GRIA1: variants seen among roughly 807,000 people sequenced by gnomAD.
GRIA1 encodes glutamate ionotropic receptor AMPA type subunit 1.
GRIA1 carries 31 observed loss-of-function variants against 99.2 expected under a neutral mutation model. The observed-to-expected ratio is 0.31, with a 90% confidence interval of 0.23 to 0.42. GRIA1 has a LOEUF of 0.42. Ranked by LOEUF, GRIA1 falls within the 10% of genes least tolerant of loss-of-function variation. GRIA1 has a pLI of 1.00. For missense variants in GRIA1, 782 were observed against 1,157.5 expected (o/e 0.68, Z 4.71); for synonymous variants, 438 against 432.4 (o/e 1.01, Z -0.16).
intron 15 of GRIA1, among the ~76,000 whole-genome samples, chr5:153,804,927 T>C (rs986884511): frequency 3.3e-5 from 5 of 151,714 alleles, no homozygotes; most frequent in African/African-American, 4.8e-5. Context: ...AATTTTTGTA[T>C]TTTTAGCACA....
intron 4 of GRIA1, among the ~76,000 whole-genome samples, chr5:153,654,414 C>T (rs903240175): frequency 1.3e-5 from 2 of 152,044 alleles, no homozygotes; most frequent in African/African-American, 2.4e-5. Flanking sequence ...AATATCATGT[C>T]TTTGCTGTTT....
intron 8 of GRIA1, among the ~76,000 whole-genome samples, chr5:153,694,052 A>C (rs1757935543): frequency 6.6e-6 from 1 of 152,228 alleles, no homozygotes; most frequent in Non-Finnish European, 1.5e-5. Context: ...TAGAAATAAA[A>C]TAGGTTTGTT....
In GRIA1 at chr5:153,798,437, C is replaced by T. The variant is rs1765783467; in HGVS notation, c.2385+3702C>T. Among the ~76,000 whole-genome samples the T allele has an allele frequency of 2.6e-5, 4 of 152,118 alleles. No homozygotes were observed. The South Asian group carries it at 6.2e-4, about 24-fold the overall frequency. ...TTACAGATTCAGCATGTGGAGGGCA[C>T]GTAGGCTTCCCCTAAAAATCCAGGT... On this transcript the variant is annotated intron_variant, in intron 14 of 15. Coordinates refer to ENST00000285900, the MANE Select transcript of GRIA1 (RefSeq NM_000827.4).
At chr5:153,776,623 C>T (rs1268961397) in intron 13 of GRIA1, among the ~76,000 whole-genome samples, 1 of 152,180 alleles carries the variant, frequency 6.6e-6, no homozygotes, top group African/African-American at 2.4e-5. Flanking sequence ...TTGTTCATCA[C>T]CATTTTAGCC....
chr5:153,556,209 G>C (rs1418492620), intron 2 of GRIA1, among the ~76,000 whole-genome samples: 1 of 152,132 alleles, frequency 6.6e-6, no homozygotes, highest in African/African-American at 2.4e-5. Context: ...CGGTGTTTCT[G>C]GGGCTATTCT....
intron 2 of GRIA1, among the ~76,000 whole-genome samples, chr5:153,617,851 G>A (rs1194155629): frequency 3.9e-5 from 6 of 152,080 alleles, no homozygotes; most frequent in Non-Finnish European, 7.3e-5. Flanking sequence ...TTGTGACTAT[G>A]AGTCTAAAAA....
chr5:153,498,356 A>G (rs1403089190), intron 2 of GRIA1, among the ~76,000 whole-genome samples: 1 of 152,208 alleles, frequency 6.6e-6, no homozygotes, highest in Non-Finnish European at 1.5e-5. Context: ...TAGCTTCACC[A>G]CCAGAATATA....
chr5:153,687,002 C>T (rs528965141), intron 8 of GRIA1, among the ~76,000 whole-genome samples: 1 of 151,980 alleles, frequency 6.6e-6, no homozygotes, highest in Non-Finnish European at 1.5e-5. Flanking sequence ...CATCATTGAG[C>T]CTTCATACAT....
intron 11 of GRIA1, among the ~76,000 whole-genome samples, chr5:153,734,923 T>A (rs1036486501): frequency 1.3e-5 from 2 of 152,182 alleles, no homozygotes; most frequent in African/African-American, 4.8e-5. Flanking sequence ...CTGATTTACA[T>A]TTTTAAAGGA....
intron 2 of GRIA1, among the ~76,000 whole-genome samples, chr5:153,495,128 ATGT>A (rs1374715026): frequency 1.3e-5 from 2 of 152,248 alleles, no homozygotes; most frequent in African/African-American, 2.4e-5. Context: ...TCCTAAAATA[ATGT>A]TGTTACAAAT....
At chr5:153,625,852 T>C (rs1561703077) in intron 2 of GRIA1, among the ~76,000 whole-genome samples, 1 of 152,218 alleles carries the variant, frequency 6.6e-6, no homozygotes. Context: ...ATTAAGACTC[T>C]GGTTATCTGA....
intron 10 of GRIA1, among the ~76,000 whole-genome samples, chr5:153,700,840 GA>G (rs1453660361): frequency 6.6e-6 from 1 of 152,190 alleles, no homozygotes; most frequent in African/African-American, 2.4e-5. Flanking sequence ...ATTCAAAGAA[GA>G]AAAAGATGGA....
At position 153,645,948 on chromosome 5, in the gene GRIA1, G is replaced by A. The variant is rs572837010; in HGVS notation, c.221-980G>A. Among the ~76,000 whole-genome samples the A allele has an allele frequency of 5.9e-5, 9 of 152,274 alleles. No individual in the cohort carries two copies. In the South Asian group the frequency reaches 1.9e-3, roughly 32 times the overall value. On this transcript the variant is annotated intron_variant, in intron 2 of 15. Coordinates refer to ENST00000285900, the MANE Select transcript of GRIA1 (RefSeq NM_000827.4). ...TTTCCTCACCATCCACCTTGGAAGG[G>A]CAATTTTTAGGCATTGAAGATGGCC...
At chr5:153,783,929 C>T (rs1012791535) in intron 13 of GRIA1, among the ~76,000 whole-genome samples, 5 of 152,144 alleles carry the variant, frequency 3.3e-5, no homozygotes, top group African/African-American at 1.2e-4. Flanking sequence ...ACATCAGAAG[C>T]GTGTAAGATG....
At chr5:153,600,758 T>C (rs1253351173) in intron 2 of GRIA1, among the ~76,000 whole-genome samples, 1 of 152,026 alleles carries the variant, frequency 6.6e-6, no homozygotes, top group South Asian at 2.1e-4. Context: ...GATTTCAGAG[T>C]TTCCTTATGT....
intron 2 of GRIA1, among the ~76,000 whole-genome samples, chr5:153,519,202 C>T (rs1001813210): frequency 2.0e-5 from 3 of 151,894 alleles, no homozygotes; most frequent in South Asian, 4.2e-4. Context: ...GTGGCAGCTG[C>T]AGTGAGCCAA....
chr5:153,705,701 C>A lies in GRIA1; in HGVS notation c.1457C>A (p.Ala486Glu). The A allele has an allele frequency of 3.0e-6, 1 of 335,360 alleles. No homozygotes were observed. Among genetic ancestry groups the A allele is most frequent in the Non-Finnish European group, 5.6e-6 (1 of 179,602 alleles). 20.8% of individuals were successfully genotyped at this position (335,360 alleles called of 1,614,324 possible). A position where few individuals can be genotyped will look rare whatever the true frequency, so the allele number is the denominator to read the frequency against. The change falls in exon 11 of 16, where the codon GCA becomes GAA. Residue 486 changes from alanine (A) to glutamate (E), a missense_variant. Transcript: ENST00000285900. Reference sequence around the variant, plus strand: ...TTTTTTTTTTTTTTTTTTCAGAGAGCAGATGTGGCTGTGGCTCCCTTAACT... The same window carrying A: ...TTTTTTTTTTTTTTTTTTCAGAGAGAAGATGTGGCTGTGGCTCCCTTAACT... ...GMVGELVYGR[A>E]DVAVAPLTIT...
In GRIA1 at chr5:153,613,064, T is replaced by C. The variant is rs557485776; in HGVS notation, c.221-33864T>C. On this transcript the variant is annotated intron_variant, in intron 2 of 15. Coordinates refer to ENST00000285900, the MANE Select transcript of GRIA1 (RefSeq NM_000827.4). ...CTGGGCTCTGGAAGGCTGGAACCAA[T>C]TGGTATTCTTGGAGTCGGTCCTTTT... Among the ~76,000 whole-genome samples the C allele has an allele frequency of 5.3e-5, 8 of 152,334 alleles. No homozygotes were observed. The South Asian group carries it at 1.2e-3, about 24-fold the overall frequency.
chr5:153,560,391 A>G lies in GRIA1; in HGVS notation c.220+66326A>G, dbSNP rs1189063057. 2.6e-5 allele frequency among the ~76,000 whole-genome samples: 4 copies of G among 152,184 alleles called. No individual in the cohort carries two copies. In the South Asian group the frequency reaches 6.2e-4, roughly 24 times the overall value. Reference sequence around the variant, plus strand: ...ACTGGATGTGCTTTTGGAAGGTACCATGGAGGCTGATATGGTGTGGCTATA... The same window carrying G: ...ACTGGATGTGCTTTTGGAAGGTACCGTGGAGGCTGATATGGTGTGGCTATA... On this transcript the variant is annotated intron_variant, in intron 2 of 15. Transcript: ENST00000285900.
Sources: allele counts gnomAD v4.1 joint callset (sites outside exome capture counted in the v4.1 genomes callset), GRCh38; gene constraint gnomAD v4.1.1; transcripts MANE v1.5; gene names NCBI Gene and HGNC (gene_info 2026-07-23, HGNC 2026-07-21).